CSMD1: variants seen among roughly 807,000 people sequenced by gnomAD.
CSMD1 encodes CUB and sushi domain-containing protein 1.
In CSMD1, 213 loss-of-function variants were observed where a neutral mutation model predicts 417.5. The ratio of observed to expected loss-of-function variants is 0.51; its 90% CI spans 0.46 to 0.57. The LOEUF is 0.57. Among genes scored for constraint, CSMD1 ranks in the 20% least tolerant of loss-of-function variants. The probability of loss-of-function intolerance (pLI) is 0.00; values close to 1 mark genes in which losing one functional copy is unlikely to be tolerated. For missense variants in CSMD1, 6,923 were observed against 4,529.7 expected, an observed-to-expected ratio of 1.53 and a Z score of -15.17; for synonymous variants, 2,862 against 1,736.8, an observed-to-expected ratio of 1.65 and a Z score of -16.11.
intron 3 of CSMD1, among the ~76,000 whole-genome samples, chr8:4,094,325 C>A (rs911826353): frequency 1.3e-5 from 2 of 152,058 alleles, no homozygotes; most frequent in African/African-American, 4.8e-5. Flanking sequence ...TGTAGGAACC[C>A]AGGCCAGAGG....
chr8:4,237,219 A>AT (rs1585074753), intron 3 of CSMD1, among the ~76,000 whole-genome samples: 1 of 152,038 alleles, frequency 6.6e-6, no homozygotes, highest in African/African-American at 2.4e-5. Context: ...CAATTGTTTA[A>AT]TTTTTTCCGA....
At chr8:3,304,947 A>ATTTCTACAACTTTT (rs1275936748) in intron 25 of CSMD1, among the ~76,000 whole-genome samples, 1 of 152,202 alleles carries the variant, frequency 6.6e-6, no homozygotes, top group Non-Finnish European at 1.5e-5. Flanking sequence ...AGCATAGATG[A>ATTTCTACAACTTTT]TTTCTACAAC....
intron 2 of CSMD1, among the ~76,000 whole-genome samples, chr8:4,440,608 A>G (rs1798412475): frequency 6.6e-6 from 1 of 152,226 alleles, no homozygotes; most frequent in African/African-American, 2.4e-5. Flanking sequence ...CTCTGGAAAG[A>G]TAGGTAGTAC....
intron 5 of CSMD1, among the ~76,000 whole-genome samples, chr8:3,985,512 G>A (rs945197793): frequency 6.6e-6 from 1 of 152,050 alleles, no homozygotes; most frequent in African/African-American, 2.4e-5. Flanking sequence ...AATGTTTCAA[G>A]AGCCAGATAC....
intron 1 of CSMD1, among the ~76,000 whole-genome samples, chr8:4,769,329 T>A (rs368162922): frequency 1.2e-4 from 19 of 152,290 alleles, no homozygotes; most frequent in South Asian, 8.3e-4. Flanking sequence ...CTACTACAAT[T>A]ACCGTTTAAG....
intron 29 of CSMD1, among the ~76,000 whole-genome samples, chr8:3,217,524 C>T (rs1175564243): frequency 6.6e-6 from 1 of 151,950 alleles, no homozygotes; most frequent in Non-Finnish European, 1.5e-5. Context: ...TACTTGCCTG[C>T]ATGATTTTGT....
chr8:4,855,632 G>C (rs1313823872), intron 1 of CSMD1, among the ~76,000 whole-genome samples: 2 of 152,214 alleles, frequency 1.3e-5, no homozygotes, highest in African/African-American at 4.8e-5. Context: ...AGCCTCTGGA[G>C]CCAATGCAAT....
chr8:4,057,879 T>C (rs2130724825), intron 3 of CSMD1, among the ~76,000 whole-genome samples: 1 of 152,310 alleles, frequency 6.6e-6, no homozygotes, highest in African/African-American at 2.4e-5. Context: ...CTGTGTTCTG[T>C]TCCATTGATC....
intron 37 of CSMD1, among the ~76,000 whole-genome samples, chr8:3,165,683 C>T (rs1585530651): frequency 2.0e-5 from 3 of 152,204 alleles, no homozygotes; most frequent in South Asian, 4.2e-4. Context: ...CCACCTGCCT[C>T]AGCCTCCCCA....
At chr8:3,608,471 T>C (rs1057295835) in intron 8 of CSMD1, among the ~76,000 whole-genome samples, 1 of 151,782 alleles carries the variant, frequency 6.6e-6, no homozygotes, top group Admixed American at 6.6e-5. Flanking sequence ...AATTATATAT[T>C]AAAAAAATAT....
chr8:2,999,213 G>A (rs1306777703), intron 53 of CSMD1, among the ~76,000 whole-genome samples: 1 of 147,972 alleles, frequency 6.8e-6, no homozygotes, highest in African/African-American at 2.5e-5. Flanking sequence ...GGGGTGCAGC[G>A]GCACGATCTC....
chr8:3,290,763 A>G (rs11136600), intron 25 of CSMD1, among the ~76,000 whole-genome samples: 127,154 of 144,568 alleles, frequency 0.88, 57,472 homozygotes, highest in Middle Eastern at 0.94. Flanking sequence ...CAATCATGTC[A>G]TCTGCCAACA....
intron 41 of CSMD1, among the ~76,000 whole-genome samples, chr8:3,122,857 C>T (rs997855357): frequency 6.6e-6 from 1 of 152,062 alleles, no homozygotes; most frequent in East Asian, 1.9e-4. Flanking sequence ...TAACAGTCCA[C>T]CATACAGTAG....
chr8:3,908,111 G>T (rs1563199746), intron 5 of CSMD1, among the ~76,000 whole-genome samples: 1 of 152,134 alleles, frequency 6.6e-6, no homozygotes, highest in Non-Finnish European at 1.5e-5. Context: ...GAGGCTTTAT[G>T]GAGCCCCTCT....
At chr8:4,051,626 G>C (rs1226501933) in intron 3 of CSMD1, among the ~76,000 whole-genome samples, 1 of 152,088 alleles carries the variant, frequency 6.6e-6, no homozygotes, top group Non-Finnish European at 1.5e-5. Context: ...GGTTTCTGTG[G>C]GGCCCTAGAA....
chr8:4,971,859 T>C (rs1286876546), intron 1 of CSMD1, among the ~76,000 whole-genome samples: 1 of 152,056 alleles, frequency 6.6e-6, no homozygotes, highest in Non-Finnish European at 1.5e-5. Context: ...CAGGAAGAAA[T>C]GGACTGTAAT....
At chr8:4,449,151 A>C (rs939097267) in intron 2 of CSMD1, among the ~76,000 whole-genome samples, 1 of 152,244 alleles carries the variant, frequency 6.6e-6, no homozygotes, top group Admixed American at 6.5e-5. Context: ...CTTTGCAAAT[A>C]TTTAGCAATA....
chr8:4,692,728 C>T (rs1806849382), intron 1 of CSMD1, among the ~76,000 whole-genome samples: 1 of 152,178 alleles, frequency 6.6e-6, no homozygotes, highest in Non-Finnish European at 1.5e-5. Context: ...CGATAACGTG[C>T]AAATCAGGAT....
At chr8:3,868,119 T>C (rs1805232680) in intron 5 of CSMD1, among the ~76,000 whole-genome samples, 1 of 152,102 alleles carries the variant, frequency 6.6e-6, no homozygotes, top group Non-Finnish European at 1.5e-5. Context: ...TAAATTATCC[T>C]AGCACTTTCT....
Sources: allele counts gnomAD v4.1 joint callset (sites outside exome capture counted in the v4.1 genomes callset), GRCh38; gene constraint gnomAD v4.1.1; transcripts MANE v1.5; gene names NCBI Gene and HGNC (gene_info 2026-07-23, HGNC 2026-07-21).